The following VPS53 variants were observed in gnomAD, a reference collection of about 807,000 sequenced individuals.
The protein encoded by VPS53 is vacuolar protein sorting-associated protein 53 homolog.
VPS53 carries 70 observed loss-of-function variants against 107.0 expected under a neutral mutation model. That is an observed-to-expected ratio of 0.65 (90% CI 0.54 to 0.80). The LOEUF is 0.80. Ranked by LOEUF, VPS53 falls within the 30% of genes least tolerant of loss-of-function variation. The pLI is 0.00. For synonymous variants in VPS53, 409 were observed against 393.3 expected, an observed-to-expected ratio of 1.04 and a Z score of -0.47; for missense variants, 917 against 1,049.4, an observed-to-expected ratio of 0.87 and a Z score of 1.74.
rs1567594371 is a variant in VPS53 at position 519,306 on chromosome 17, TGAGA to T, written c.2329-12_2329-9del. On this transcript the variant is annotated splice_polypyrimidine_tract_variant and intron_variant, in intron 21 of 21. Transcript: ENST00000437048. This position sits in a 1 kb window ranked among gnomAD's most constrained non-coding sequence, Gnocchi z 5.0. ...CTCACTCCTCTTCAGCCCCTGAGGT[TGAGA>T]GAGAAACAGAACCGTCACGAAGTCT... 1.4e-6 allele frequency: 2 copies of T among 1,470,318 alleles called. No homozygotes were observed. Among genetic ancestry groups the T allele is most frequent in the Non-Finnish European group, 1.8e-6 (2 of 1,109,376 alleles). The allele number at this position is 1,470,318 out of a possible 1,614,324, so 91.1% of individuals were successfully genotyped here. A position where few individuals can be genotyped will look rare whatever the true frequency, so the allele number is the denominator to read the frequency against.
rs774814694 is a variant in VPS53, at chr17:537,087, G to A, written c.1956C>T (p.Ile652=). The part of the protein sequence containing the change: ...ILHIKQNVPI[I]RDNLASTRKY... The stretch of plus-strand genomic sequence containing the variant: ...TGCGTGTGGAAGCCAGGTTGTCACG[G>A]ATGATGGGGACGTTCTGCTTGATGT... The change falls in exon 18 of 22, where the codon ATC becomes ATT. Residue 652 remains isoleucine, a synonymous_variant. Coordinates refer to ENST00000437048, the MANE Select transcript of VPS53 (RefSeq NM_001128159.3). 2 of 1,614,196 alleles carry A rather than the reference G, an allele frequency of 1.2e-6. No homozygotes were observed. Among genetic ancestry groups the A allele is most frequent in the East Asian group, 4.5e-5 (2 of 44,874 alleles).
At chr17:567,783 G>A (rs1913664557) in intron 13 of VPS53, among the ~76,000 whole-genome samples, 1 of 151,982 alleles carries the variant, frequency 6.6e-6, no homozygotes, top group African/African-American at 2.4e-5. Context: ...CAGTTACTTG[G>A]GAGGCTGAGG....
At chr17:635,399 A>G (rs980903236) in intron 7 of VPS53, among the ~76,000 whole-genome samples, 2 of 152,110 alleles carry the variant, frequency 1.3e-5, no homozygotes, top group Non-Finnish European at 2.9e-5. Context: ...TCTTTAGTTT[A>G]ATTAGATCCC....
intron 13 of VPS53, among the ~76,000 whole-genome samples, chr17:579,134 T>TC: frequency 6.8e-6 from 1 of 146,008 alleles, no homozygotes; most frequent in East Asian, 2.1e-4. Context: ...CCTCAGAACC[T>TC]AATGCGTTCC....
intron 11 of VPS53, among the ~76,000 whole-genome samples, chr17:611,669 G>A (rs1243818763): frequency 3.3e-5 from 5 of 152,140 alleles, no homozygotes; most frequent in Admixed American, 6.5e-5. Flanking sequence ...AACCTGTACC[G>A]ATATTCACAG....
chr17:644,258 T>C (rs541674127), intron 7 of VPS53, among the ~76,000 whole-genome samples: 3 of 152,356 alleles, frequency 2.0e-5, no homozygotes, highest in Middle Eastern at 6.8e-3. Context: ...ATTTCAAATG[T>C]ACAGGCAAAG....
rs1011814755 is a variant in VPS53, at chr17:714,791, T to C, written c.-82A>G. 13 of 1,510,410 alleles carry C rather than the reference T, an allele frequency of 8.6e-6. No homozygotes were observed. The highest frequency in any genetic ancestry group is 1.1e-5 in the South Asian group (1 of 88,876). 93.6% of individuals were successfully genotyped at this position (1,510,410 alleles called of 1,614,324 possible). Reference sequence around the variant, plus strand: ...GCCACCCAGGCCCCAGCACAGCAACTCCCTCGCGGCAGCGACCTGGTGAGC... The same window carrying C: ...GCCACCCAGGCCCCAGCACAGCAACCCCCTCGCGGCAGCGACCTGGTGAGC... On this transcript the variant is annotated 5_prime_UTR_variant, in exon 1 of 22. Coordinates refer to ENST00000437048, the MANE Select transcript of VPS53 (RefSeq NM_001128159.3).
At chr17:547,259 A>G (rs905197356) in intron 17 of VPS53, among the ~76,000 whole-genome samples, 3 of 152,188 alleles carry the variant, frequency 2.0e-5, no homozygotes, top group Admixed American at 6.5e-5. Flanking sequence ...TCAAAATTAG[A>G]AAGTAGAAAT....
At chr17:533,411 C>T (rs1909758873) in intron 18 of VPS53, among the ~76,000 whole-genome samples, 1 of 152,140 alleles carries the variant, frequency 6.6e-6, no homozygotes, top group Admixed American at 6.5e-5. Flanking sequence ...GCCAGGCTTC[C>T]TTGATTCTTC....
At chr17:709,823 CA>C (rs550771691) in intron 2 of VPS53, among the ~76,000 whole-genome samples, 108 of 152,212 alleles carry the variant, frequency 7.1e-4, no homozygotes, top group African/African-American at 2.5e-3. Context: ...AATCACCGGA[CA>C]AAAAATAATA....
At chr17:712,747 A>G (rs1973691041) in intron 1 of VPS53, among the ~76,000 whole-genome samples, 1 of 152,212 alleles carries the variant, frequency 6.6e-6, no homozygotes, top group Admixed American at 6.5e-5. Context: ...ACCGCTATGT[A>G]ATTCATCCAT....
rs1383308093 is a variant in VPS53, at chr17:524,549, C to G, written c.2086-2811G>C. Among the ~76,000 whole-genome samples, 1 of 152,194 alleles carries G rather than the reference C, an allele frequency of 6.6e-6. No homozygotes were observed. The highest frequency in any genetic ancestry group is 1.5e-5 in the Non-Finnish European group (1 of 68,042). ...AAAGCACAAACTATCCCAACAGCGA[C>G]ACAACAACAGGCAAACAATACTAAC... On this transcript the variant is annotated intron_variant, in intron 19 of 21. Transcript: ENST00000437048. The surrounding 1 kb of genome is among the most constrained non-coding windows in gnomAD (Gnocchi z 4.5).
chr17:566,612 G>A (rs999437993), intron 13 of VPS53, among the ~76,000 whole-genome samples: 4 of 152,130 alleles, frequency 2.6e-5, no homozygotes, highest in East Asian at 1.9e-4. Flanking sequence ...TGCAGTGGAG[G>A]AGAACATGGA....
intron 7 of VPS53, among the ~76,000 whole-genome samples, chr17:643,698 G>C (rs1970554147): frequency 6.6e-6 from 1 of 151,314 alleles, no homozygotes; most frequent in African/African-American, 2.4e-5. Flanking sequence ...CTCATACTTG[G>C]AAAGTGAGGA....
Position 512,261 on chromosome 17 carries a change from T to C in VPS53, c.*6867A>G, listed in dbSNP as rs1212821333. ...CACGAACACACTTCACACTGCCTTATGGCAGAGCAAGTGCATATAGCCCGG... is the reference window on the plus strand; with the variant it reads ...CACGAACACACTTCACACTGCCTTACGGCAGAGCAAGTGCATATAGCCCGG... On this transcript the variant is annotated 3_prime_UTR_variant, in exon 22 of 22. Transcript: ENST00000437048. 6.6e-6 allele frequency: 1 copy of C among 152,258 alleles called. No homozygotes were observed. The highest frequency in any genetic ancestry group is 1.5e-5 in the Non-Finnish European group (1 of 68,048). The allele number at this position is 152,258 out of a possible 1,614,324, so 9.4% of individuals were successfully genotyped here.
chr17:646,680 C>T (rs374777618), intron 7 of VPS53, among the ~76,000 whole-genome samples: 1 of 92,176 alleles, frequency 1.1e-5, no homozygotes, highest in African/African-American at 4.3e-5. Context: ...CTTTTCTAAT[C>T]CATATCACGG....
intron 4 of VPS53, among the ~76,000 whole-genome samples, chr17:683,760 A>G (rs936945328): frequency 6.6e-6 from 1 of 152,260 alleles, no homozygotes; most frequent in Admixed American, 6.5e-5. Flanking sequence ...GCTACTCAGG[A>G]GGCTGAGGCA....
intron 11 of VPS53, among the ~76,000 whole-genome samples, chr17:620,031 C>G (rs2143019656): frequency 6.6e-6 from 1 of 152,350 alleles, no homozygotes; most frequent in East Asian, 1.9e-4. Context: ...CTATTTTCAC[C>G]TGTTTTGTGA....
At chr17:700,123 A>T (rs1479127418) in intron 2 of VPS53, among the ~76,000 whole-genome samples, 1 of 152,214 alleles carries the variant, frequency 6.6e-6, no homozygotes, top group African/African-American at 2.4e-5. Flanking sequence ...ATTTTTTATT[A>T]TATAGATCCA....
Sources: allele counts gnomAD v4.1 joint callset (sites outside exome capture counted in the v4.1 genomes callset), GRCh38; gene constraint gnomAD v4.1.1; non-coding constraint Gnocchi (gnomAD v3.1); transcripts MANE v1.5; gene names NCBI Gene and HGNC (gene_info 2026-07-23, HGNC 2026-07-21).